The following ARK2C variants were observed in gnomAD, a reference collection of about 807,000 sequenced individuals.
ARK2C encodes E3 ubiquitin-protein ligase ARK2C.
the ARK2C span, among the ~76,000 whole-genome samples, chr18:46,368,432 C>A: frequency 3.3e-5 from 5 of 152,194 alleles, no homozygotes; most frequent in African/African-American, 1.2e-4. Context: ...AGTGCCTGGT[C>A]ATGAGATAGA....
the ARK2C span, among the ~76,000 whole-genome samples, chr18:46,406,907 A>G: frequency 6.8e-6 from 1 of 147,898 alleles, no homozygotes. Context: ...GATGGGACAC[A>G]TAAGGATAGG....
chr18:46,449,135 C>T, the ARK2C span, among the ~76,000 whole-genome samples: 2 of 152,084 alleles, frequency 1.3e-5, no homozygotes, highest in Non-Finnish European at 2.9e-5. Flanking sequence ...AGAGTATTAT[C>T]CTGATTTTAA....
the ARK2C span, among the ~76,000 whole-genome samples, chr18:46,382,727 G>C: frequency 6.6e-6 from 1 of 152,204 alleles, no homozygotes; most frequent in Non-Finnish European, 1.5e-5. Flanking sequence ...GGGAAAGAAA[G>C]ACAGGCTCAT....
chr18:46,358,866 G>T, the ARK2C span, among the ~76,000 whole-genome samples: 1 of 152,200 alleles, frequency 6.6e-6, no homozygotes, highest in African/African-American at 2.4e-5. Flanking sequence ...AGCCTCACAA[G>T]AAATGTGCTT....
chr18:46,358,756 C>T, the ARK2C span, among the ~76,000 whole-genome samples: 76 of 152,208 alleles, frequency 5.0e-4, 2 homozygotes, highest in Non-Finnish European at 8.8e-5. Flanking sequence ...AGCTTCTCAC[C>T]CCTTCCTTCT....
the ARK2C span, among the ~76,000 whole-genome samples, chr18:46,372,851 T>A: frequency 2.0e-5 from 3 of 152,238 alleles, no homozygotes; most frequent in African/African-American, 7.2e-5. Flanking sequence ...AAGGACTGTG[T>A]AGTGTCCAGG....
chr18:46,366,740 A>C, the ARK2C span, among the ~76,000 whole-genome samples: 2 of 152,210 alleles, frequency 1.3e-5, no homozygotes, highest in Admixed American at 1.3e-4. Flanking sequence ...TGACCTTCCT[A>C]GTCCTGAGAT....
the ARK2C span, among the ~76,000 whole-genome samples, chr18:46,371,479 C>T: frequency 1.3e-5 from 2 of 152,028 alleles, no homozygotes; most frequent in African/African-American, 4.8e-5. Context: ...GTGAGATTCT[C>T]TGGTTAAGGG....
At chr18:46,350,065 T>C in the ARK2C span, among the ~76,000 whole-genome samples, 1 of 152,202 alleles carries the variant, frequency 6.6e-6, no homozygotes. Flanking sequence ...ACCACTCACA[T>C]ACATGTACAC....
chr18:46,457,684 G>C, the ARK2C span: 1 of 152,660 alleles, frequency 6.6e-6, no homozygotes, highest in African/African-American at 2.4e-5. Flanking sequence ...CTGTGCTCTT[G>C]CCTGTCACAA....
the ARK2C span, among the ~76,000 whole-genome samples, chr18:46,380,282 G>A: frequency 1.3e-5 from 2 of 152,356 alleles, no homozygotes; most frequent in Non-Finnish European, 2.9e-5. Context: ...GGGCCTGGAA[G>A]GGCGTCTTGG....
the ARK2C span, chr18:46,450,352 G>C: frequency 6.2e-7 from 1 of 1,614,140 alleles, no homozygotes; most frequent in Non-Finnish European, 8.5e-7. Flanking sequence ...TTGCTCTCCA[G>C]GGACTAAATC....
chr18:46,366,346 T>C, the ARK2C span, among the ~76,000 whole-genome samples: 4 of 145,010 alleles, frequency 2.8e-5, no homozygotes, highest in East Asian at 2.1e-4. Flanking sequence ...TCTTGTGATA[T>C]AGGCCTAAGC....
At chr18:46,381,442 C>T in the ARK2C span, among the ~76,000 whole-genome samples, 5 of 152,334 alleles carry the variant, frequency 3.3e-5, no homozygotes, top group Admixed American at 3.3e-4. Context: ...TATTGCTCAC[C>T]CAGTGCTCTC....
the ARK2C span, among the ~76,000 whole-genome samples, chr18:46,442,339 A>G: frequency 6.6e-6 from 1 of 152,188 alleles, no homozygotes; most frequent in Non-Finnish European, 1.5e-5. Context: ...CTTTTCTAAT[A>G]TAAGCATATA....
chr18:46,366,644 T>C, the ARK2C span, among the ~76,000 whole-genome samples: 1 of 152,178 alleles, frequency 6.6e-6, no homozygotes, highest in Non-Finnish European at 1.5e-5. Context: ...AGAGGAATAG[T>C]AGGGTTTCTG....
At chr18:46,445,950 T>G in the ARK2C span, among the ~76,000 whole-genome samples, 2 of 151,954 alleles carry the variant, frequency 1.3e-5, no homozygotes, top group Non-Finnish European at 2.9e-5. Flanking sequence ...AGGCTGTTTT[T>G]CCTGTAGTTT....
the ARK2C span, among the ~76,000 whole-genome samples, chr18:46,375,627 C>A: frequency 1.3e-5 from 2 of 151,762 alleles, no homozygotes; most frequent in Non-Finnish European, 2.9e-5. Context: ...TCCTTAGCTC[C>A]TTGAATGAAT....
At chr18:46,449,338 A>G in the ARK2C span, among the ~76,000 whole-genome samples, 4 of 152,268 alleles carry the variant, frequency 2.6e-5, no homozygotes, top group African/African-American at 9.6e-5. Context: ...CTCAGCATGG[A>G]GGTTTTTTTT....
Sources: allele counts gnomAD v4.1 joint callset (sites outside exome capture counted in the v4.1 genomes callset), GRCh38; gene constraint gnomAD v4.1.1; transcripts MANE v1.5; gene names NCBI Gene and HGNC (gene_info 2026-07-23, HGNC 2026-07-21).